Variants in CLEC17A observed in about 807,000 individuals in gnomAD.
CLEC17A encodes C-type lectin domain containing 17A, also known as C-type lectin domain family 17, member A.
A neutral mutation model predicts 61.3 loss-of-function variants in CLEC17A; 37 were observed. The observed-to-expected ratio is 0.60, with a 90% CI of 0.46 to 0.79. The LOEUF (loss-of-function observed/expected upper bound fraction) is 0.79. Ranked by LOEUF, CLEC17A falls within the 30% of genes least tolerant of loss-of-function variation. The pLI is 0.00. For missense variants in CLEC17A, 418 were observed against 464.7 expected, an observed-to-expected ratio of 0.90 and a Z score of 0.92; for synonymous variants, 168 against 164.9, an observed-to-expected ratio of 1.02 and a Z score of -0.14.
intron 2 of CLEC17A, among the ~76,000 whole-genome samples, chr19:14,584,560 G>A (rs2074243432): frequency 6.6e-6 from 1 of 152,006 alleles, no homozygotes; most frequent in Admixed American, 6.6e-5. Context: ...ATTCTGTGAG[G>A]GCTGAGGCTG....
chr19:14,594,597 G>A (rs956147066), intron 5 of CLEC17A, 35 bp from the exon 6 acceptor site: 1 of 1,613,580 alleles, frequency 6.2e-7, no homozygotes, highest in Admixed American at 1.7e-5. Flanking sequence ...GCTTTGCCCT[G>A]CTCTGGCCCT....
chr19:14,587,732 G>A, intron 3 of CLEC17A, 41 bp downstream of exon 3: 3 of 1,610,352 alleles, frequency 1.9e-6, no homozygotes, highest in Non-Finnish European at 2.5e-6. Flanking sequence ...GGAATACAGG[G>A]AACGGGGTCT....
chr19:14,605,013 C>G (rs2074819446), intron 12 of CLEC17A, among the ~76,000 whole-genome samples: 1 of 152,006 alleles, frequency 6.6e-6, no homozygotes, highest in Non-Finnish European at 1.5e-5. Context: ...AACTCATTAG[C>G]TAACTGAGAT....
At chr19:14,595,345 G>A (rs758454795) in intron 8 of CLEC17A, 30 bp downstream of exon 8, 1 of 1,612,692 alleles carries the variant, frequency 6.2e-7, no homozygotes, top group East Asian at 2.2e-5. Flanking sequence ...CCCTCTGACA[G>A]TGGCTAGTGT....
At chr19:14,595,433 A>T in intron 8 of CLEC17A, 118 bp downstream of exon 8, 2 of 1,080,120 alleles carry the variant, frequency 1.9e-6, no homozygotes, top group Non-Finnish European at 1.4e-6. Flanking sequence ...CTCCTTCAGG[A>T]CCTGCTGCAC....
At chr19:14,591,230 C>A (rs2074407936) in intron 3 of CLEC17A, among the ~76,000 whole-genome samples, 1 of 151,522 alleles carries the variant, frequency 6.6e-6, no homozygotes, top group South Asian at 2.1e-4. Context: ...TCTCGGCTCA[C>A]TGCAAGCTCC....
intron 2 of CLEC17A, among the ~76,000 whole-genome samples, chr19:14,587,043 C>G (rs1180968084): frequency 6.6e-6 from 1 of 151,828 alleles, no homozygotes; most frequent in African/African-American, 2.4e-5. Flanking sequence ...CAGGCACCAC[C>G]ACGCCCGGCT....
At chr19:14,582,890 G>C (rs1234936391), upstream of CLEC17A, among the ~76,000 whole-genome samples, 1 of 152,108 alleles carries the variant, frequency 6.6e-6, no homozygotes, top group Non-Finnish European at 1.5e-5. Flanking sequence ...TTCCAGGCGA[G>C]AGCCACCACA....
intron 12 of CLEC17A, among the ~76,000 whole-genome samples, chr19:14,600,930 T>C: frequency 9.6e-6 from 1 of 104,274 alleles, no homozygotes. Context: ...TGAGATGGAG[T>C]CTCACTCTGT....
intron 5 of CLEC17A, 24 bp downstream of exon 5, chr19:14,594,573 G>A: frequency 6.2e-7 from 1 of 1,612,616 alleles, no homozygotes; most frequent in Non-Finnish European, 8.5e-7. Flanking sequence ...GGGGGTGTAG[G>A]AGACCCAGAG....
rs375371865 is a variant in CLEC17A at position 14,595,526 on chromosome 19, T to C, written c.445+211T>C. ...AGAGTTTGCAAACGTGTATTCTTTT[T>C]TGTCCTTCTGAGGACCAGAGTTATG... On this transcript the variant is annotated intron_variant, in intron 8 of 13. Coordinates refer to ENST00000417570, the MANE Select transcript of CLEC17A (RefSeq NM_001204118.2). Among the ~76,000 whole-genome samples the C allele has an allele frequency of 1.8e-3, 277 of 152,346 alleles. 5 individuals are homozygous for C. The South Asian group carries it at 0.043, about 24-fold the overall frequency.
intron 4 of CLEC17A, among the ~76,000 whole-genome samples, 152 bp downstream of exon 4, chr19:14,592,510 G>A (rs891168743): frequency 2.6e-5 from 4 of 152,204 alleles, no homozygotes; most frequent in Non-Finnish European, 4.4e-5. Flanking sequence ...AGGAGGACCT[G>A]TCAGTCTGAT....
chr19:14,607,209 C>CTT (rs796728273), intron 13 of CLEC17A, 107 bp downstream of exon 13: 9,678 of 299,506 alleles, frequency 0.032, 966 homozygotes, highest in African/African-American at 0.21. Flanking sequence ...GGAGCTGTTT[C>CTT]TTTTTTTTTT....
Position 14,594,650 on chromosome 19 carries a change from C to A in CLEC17A, c.329C>A (p.Pro110His). The change falls in exon 6 of 14, where the codon CCC becomes CAC. Residue 110 changes from proline to histidine, a missense_variant. Coordinates refer to ENST00000417570, the MANE Select transcript of CLEC17A (RefSeq NM_001204118.2). ...PPRAAKETEKPPLPCKPRNMT... is the reference protein window; with the variant it reads ...PPRAAKETEKHPLPCKPRNMT... ...TCCTCAGCAAAGGAAACAGAGAAAC[C>A]CCCACTTCCTTGCAAGCCCCGGAAC... 6.2e-7 allele frequency: 1 copy of A among 1,613,858 alleles called. No individual in the cohort carries two copies. Among genetic ancestry groups the A allele is most frequent in the Non-Finnish European group, 8.5e-7 (1 of 1,179,878 alleles).
Position 14,594,424 on chromosome 19 carries a change from T to C in CLEC17A, c.278-93T>C, listed in dbSNP as rs1005503011. On this transcript the variant is annotated intron_variant, in intron 4 of 13. Transcript: ENST00000417570. ...ACCCCGTCTGTAACCTAATCTCCAA[T>C]CCTCCACTGCAATCCTAACCCTGTT... 2.4e-5 allele frequency: 35 copies of C among 1,477,118 alleles called. 1 individual carries two copies. In the South Asian group the frequency reaches 3.2e-4, roughly 13 times the overall value. The allele number at this position is 1,477,118 out of a possible 1,614,324, so 91.5% of individuals were successfully genotyped here. A position where few individuals can be genotyped will look rare whatever the true frequency, so the allele number is the denominator to read the frequency against.
intron 13 of CLEC17A, 59 bp from the exon 14 acceptor site, chr19:14,610,005 A>C: frequency 7.9e-7 from 1 of 1,268,356 alleles, no homozygotes. Flanking sequence ...AGTATTATAC[A>C]GAAGAGTTTC....
At chr19:14,596,512 T>C (rs1180861106) in intron 8 of CLEC17A, among the ~76,000 whole-genome samples, 1 of 152,106 alleles carries the variant, frequency 6.6e-6, no homozygotes, top group Non-Finnish European at 1.5e-5. Context: ...CACACATCTA[T>C]AGACCCAGCT....
chr19:14,594,974 TG>T (rs1472739738), intron 7 of CLEC17A, among the ~76,000 whole-genome samples, 174 bp downstream of exon 7: 1 of 152,140 alleles, frequency 6.6e-6, no homozygotes, highest in African/African-American at 2.4e-5. Flanking sequence ...TGGGTTCAAG[TG>T]ATTCTCCTGC....
chr19:14,602,580 A>G (rs982190122), intron 12 of CLEC17A, among the ~76,000 whole-genome samples: 2 of 152,154 alleles, frequency 1.3e-5, no homozygotes, highest in African/African-American at 4.8e-5. Flanking sequence ...GGCATGAGCC[A>G]CTGTACCCAG....
Sources: gnomAD v4.1 joint callset for allele counts (sites outside exome capture counted in the v4.1 genomes callset) on GRCh38, gnomAD v4.1.1 for gene constraint, MANE v1.5 for transcripts, NCBI Gene and HGNC (gene_info 2026-07-23, HGNC 2026-07-21) for gene names.